RAB38: variants seen among roughly 807,000 people sequenced by gnomAD.
The protein encoded by RAB38 is ras-related protein Rab-38.
RAB38 carries 15 observed loss-of-function variants against 18.4 expected under a neutral mutation model. The observed-to-expected ratio is 0.82, with a 90% CI of 0.55 to 1.26. The LOEUF (loss-of-function observed/expected upper bound fraction) is 1.26, where lower values mean the gene tolerates loss of function less well. RAB38 is among the 50% of genes most tolerant of loss of function. RAB38 has a pLI of 0.00. For missense variants in RAB38, 294 were observed against 267.4 expected (o/e 1.10, Z -0.69); for synonymous variants, 101 against 104.4 (o/e 0.97, Z 0.20).
chr11:88,122,650 T>A (rs902615115), intron 2 of RAB38, among the ~76,000 whole-genome samples: 2 of 152,236 alleles, frequency 1.3e-5, no homozygotes, highest in African/African-American at 4.8e-5. Flanking sequence ...TAACTCTGTC[T>A]TACAGATGAG....
the RAB38 span, among the ~76,000 whole-genome samples, chr11:88,074,276 C>T: frequency 5.3e-5 from 8 of 152,202 alleles, 1 homozygote; most frequent in Middle Eastern, 0.014. Context: ...GTGAAATACA[C>T]CCATAACTCT....
At chr11:87,827,560 T>G in the RAB38 span, among the ~76,000 whole-genome samples, 1 of 152,114 alleles carries the variant, frequency 6.6e-6, no homozygotes, top group African/African-American at 2.4e-5. Flanking sequence ...AATATATTAA[T>G]TTTCACTGAT....
chr11:88,009,093 A>G, the RAB38 span, among the ~76,000 whole-genome samples: 1 of 152,246 alleles, frequency 6.6e-6, no homozygotes, highest in Non-Finnish European at 1.5e-5. Flanking sequence ...TCAAATATTA[A>G]GGAAATATGT....
At chr11:88,034,402 A>G in the RAB38 span, among the ~76,000 whole-genome samples, 1 of 152,228 alleles carries the variant, frequency 6.6e-6, no homozygotes, top group Non-Finnish European at 1.5e-5. Context: ...CAGTGGTTGT[A>G]TGTTTTATTT....
chr11:87,964,858 A>G, the RAB38 span, among the ~76,000 whole-genome samples: 1 of 152,042 alleles, frequency 6.6e-6, no homozygotes, highest in Non-Finnish European at 1.5e-5. Context: ...TACTTATTTC[A>G]CTAAAAAAAT....
At chr11:88,037,459 T>C in the RAB38 span, among the ~76,000 whole-genome samples, 2 of 152,140 alleles carry the variant, frequency 1.3e-5, no homozygotes, top group South Asian at 2.1e-4. Flanking sequence ...CAATAAAGTG[T>C]ACCCATTCTA....
the RAB38 span, among the ~76,000 whole-genome samples, chr11:88,104,333 A>G: frequency 6.6e-6 from 1 of 152,184 alleles, no homozygotes; most frequent in East Asian, 1.9e-4. Flanking sequence ...TCCCTTACTG[A>G]AACTTAACTG....
At chr11:88,030,322 G>C in the RAB38 span, among the ~76,000 whole-genome samples, 1 of 152,090 alleles carries the variant, frequency 6.6e-6, no homozygotes, top group African/African-American at 2.4e-5. Context: ...AAAAGAACTA[G>C]AAAAGCAAGA....
chr11:87,917,822 C>G, the RAB38 span: 1 of 152,090 alleles, frequency 6.6e-6, no homozygotes, highest in East Asian at 1.9e-4. Context: ...GAATCTGATG[C>G]ATTGATTGTT....
the RAB38 span, among the ~76,000 whole-genome samples, chr11:87,973,208 A>G: frequency 6.6e-6 from 1 of 152,090 alleles, no homozygotes; most frequent in African/African-American, 2.4e-5. Flanking sequence ...AGCTAAATAA[A>G]CAAGCAAATG....
chr11:88,136,063 C>T (rs1942831002), intron 2 of RAB38, among the ~76,000 whole-genome samples: 1 of 152,214 alleles, frequency 6.6e-6, no homozygotes, highest in South Asian at 2.1e-4. Flanking sequence ...ATTTACAAAT[C>T]TTGAGCATTC....
chr11:88,057,110 C>T, the RAB38 span, among the ~76,000 whole-genome samples: 1 of 152,158 alleles, frequency 6.6e-6, no homozygotes, highest in African/African-American at 2.4e-5. Flanking sequence ...GACACTTACA[C>T]TAAGAGGAAC....
intron 1 of RAB38, among the ~76,000 whole-genome samples, chr11:88,160,590 T>A (rs911118082): frequency 1.3e-5 from 2 of 152,104 alleles, no homozygotes; most frequent in African/African-American, 2.4e-5. Flanking sequence ...TAGGTGCCCA[T>A]CAATGGTGCA....
chr11:87,834,116 C>CCGTATGGAAAG, the RAB38 span, among the ~76,000 whole-genome samples: 1 of 151,988 alleles, frequency 6.6e-6, no homozygotes, highest in Admixed American at 6.6e-5. Context: ...TCCATTTGGA[C>CCGTATGGAAAG]CGTATGGAAA....
chr11:87,849,448 G>A, the RAB38 span, among the ~76,000 whole-genome samples: 23 of 152,178 alleles, frequency 1.5e-4, no homozygotes, highest in Non-Finnish European at 1.6e-4. Context: ...TATAAAAAGA[G>A]ATTAGAGCTT....
At chr11:88,098,636 G>A in the RAB38 span, 1 of 151,864 alleles carries the variant, frequency 6.6e-6, no homozygotes, top group Non-Finnish European at 1.5e-5. Flanking sequence ...CTTTTTGAAA[G>A]AATGTGTAAA....
At chr11:87,826,843 C>G in the RAB38 span, among the ~76,000 whole-genome samples, 2 of 152,120 alleles carry the variant, frequency 1.3e-5, no homozygotes, top group Non-Finnish European at 2.9e-5. Context: ...CTCCCTGACT[C>G]CAAGGCCTGG....
chr11:88,136,716 A>G (rs1015472232), intron 2 of RAB38, among the ~76,000 whole-genome samples: 2 of 152,222 alleles, frequency 1.3e-5, no homozygotes, highest in African/African-American at 2.4e-5. Flanking sequence ...AGTATGGTCT[A>G]AAGAGTGTAT....
the RAB38 span, among the ~76,000 whole-genome samples, chr11:87,852,770 A>G: frequency 6.6e-6 from 1 of 152,176 alleles, no homozygotes; most frequent in Non-Finnish European, 1.5e-5. Flanking sequence ...GTATACAACA[A>G]CACAGAACAC....
Sources: allele counts gnomAD v4.1 joint callset (sites outside exome capture counted in the v4.1 genomes callset), GRCh38; gene constraint gnomAD v4.1.1; transcripts MANE v1.5; gene names NCBI Gene and HGNC (gene_info 2026-07-23, HGNC 2026-07-21).